Variants in PTPRO observed in about 807,000 individuals in gnomAD.
PTPRO encodes protein tyrosine phosphatase receptor type O, also known as receptor-type tyrosine-protein phosphatase O.
PTPRO carries 62 observed loss-of-function variants against 145.2 expected under a neutral mutation model. The observed-to-expected ratio is 0.43, with a 90% confidence interval of 0.35 to 0.53. PTPRO has a LOEUF of 0.53. Among genes scored for constraint, PTPRO ranks in the 20% least tolerant of loss-of-function variants. The pLI is 0.01. For missense variants in PTPRO, 1,345 were observed against 1,482.7 expected, an observed-to-expected ratio of 0.91 and a Z score of 1.53; for synonymous variants, 565 against 514.7, an observed-to-expected ratio of 1.10 and a Z score of -1.32.
In PTPRO at chr12:15,507,450, T is replaced by TAAATAACTAAC. The variant is rs141407524; in HGVS notation, c.1268-1119_1268-1118insATAACTAACAA. Among the ~76,000 whole-genome samples the TAAATAACTAAC allele has an allele frequency of 2.1e-4, 31 of 148,280 alleles. 1 individual carries two copies. Among genetic ancestry groups the TAAATAACTAAC allele is most frequent in the East Asian group, 1.2e-3 (6 of 5,040 alleles). On this transcript the variant is annotated intron_variant, in intron 6 of 26. Transcript: ENST00000281171. ...ATAAATAAATAAATAAATAAATAAA[T>TAAATAACTAAC]AAGGAATGAAATACGTAACACATAA...
At chr12:15,560,084 T>A (rs1460598177) in intron 16 of PTPRO, 109 bp from the exon 17 acceptor site, 2 of 801,338 alleles carry the variant, frequency 2.5e-6, no homozygotes, top group Admixed American at 3.7e-5. Flanking sequence ...AAGGTGCTTG[T>A]CATATTAATT....
intron 1 of PTPRO, among the ~76,000 whole-genome samples, chr12:15,376,469 T>G (rs1296544894): frequency 6.6e-6 from 1 of 152,142 alleles, no homozygotes; most frequent in Non-Finnish European, 1.5e-5. Context: ...ATTTTCAAAC[T>G]GAAATGAAAA....
rs987085486 is a variant in PTPRO, at chr12:15,546,534, A to T, written c.2165-35A>T. On this transcript the variant is annotated intron_variant, in intron 12 of 26. Coordinates refer to ENST00000281171, the MANE Select transcript of PTPRO (RefSeq NM_030667.3). ...GAAAGAAGAAAGAATACACTTAGTA[A>T]ATTAAATTTTTTTTAAAACTTTGTC... 4 of 1,552,732 alleles carry T rather than the reference A, an allele frequency of 2.6e-6. No homozygotes were observed. The South Asian group carries it at 3.5e-5, about 14-fold the overall frequency.
rs1006449598 is a variant in PTPRO at position 15,515,500 on chromosome 12, G to C, written c.1467G>C (p.Val489=). The part of the protein sequence containing the change: ...QRLEKQYCTQ[V]NSSKPIIENL... ...CTTATTGGGTGTTTGGTTTAAAGGT[G>C]AACTCAAGCAAACCTATTATTGAAA... The change falls in exon 8 of 27, where the codon GTG becomes GTC. Residue 489 remains valine, a splice_region_variant and synonymous_variant. Coordinates refer to ENST00000281171, the MANE Select transcript of PTPRO (RefSeq NM_030667.3). 1.9e-5 allele frequency: 30 copies of C among 1,613,862 alleles called. No homozygotes were observed. The highest frequency in any genetic ancestry group is 2.5e-5 in the Non-Finnish European group (30 of 1,179,868).
chr12:15,353,313 C>T (rs1937873038), intron 1 of PTPRO, among the ~76,000 whole-genome samples: 1 of 151,648 alleles, frequency 6.6e-6, no homozygotes, highest in Non-Finnish European at 1.5e-5. Context: ...TGTTTTTCAA[C>T]ATATCATCAA....
chr12:15,512,094 G>A (rs7313033), intron 7 of PTPRO, among the ~76,000 whole-genome samples: 1 of 151,386 alleles, frequency 6.6e-6, no homozygotes, highest in African/African-American at 2.4e-5. Context: ...TTTAAATGGA[G>A]CAATGTTTTT....
At chr12:15,490,272 C>A (rs1358619852) in intron 2 of PTPRO, among the ~76,000 whole-genome samples, 2 of 152,104 alleles carry the variant, frequency 1.3e-5, no homozygotes, top group Non-Finnish European at 2.9e-5. Context: ...GTTTTCAAAT[C>A]TACAATTCAT....
chr12:15,502,245 A>G (rs998603338), intron 5 of PTPRO, among the ~76,000 whole-genome samples, 182 bp downstream of exon 5: 28 of 152,284 alleles, frequency 1.8e-4, no homozygotes, highest in Non-Finnish European at 3.8e-4. Flanking sequence ...ACCCAAATGA[A>G]TAGACTGGAT....
intron 1 of PTPRO, among the ~76,000 whole-genome samples, chr12:15,405,090 C>T (rs995952375): frequency 2.0e-5 from 3 of 152,190 alleles, no homozygotes; most frequent in African/African-American, 4.8e-5. Context: ...AAAGCTCCAC[C>T]TCCAAATATC....
rs7952855 is a variant in PTPRO, at chr12:15,516,619, A to G, written c.1586-144A>G. On this transcript the variant is annotated intron_variant, in intron 8 of 26. Coordinates refer to ENST00000281171, the MANE Select transcript of PTPRO (RefSeq NM_030667.3). ...GGAGGAAGCAAGAAAGGGAGGAAGGAAGGAAGGAAGGAAGGAAGGGAGGGA... is the reference window on the plus strand; with the variant it reads ...GGAGGAAGCAAGAAAGGGAGGAAGGGAGGAAGGAAGGAAGGAAGGGAGGGA... 0.73 allele frequency: 479,084 copies of G among 655,606 alleles called. 176,770 individuals are homozygous for G. The highest frequency in any genetic ancestry group is 0.81 in the East Asian group (29,574 of 36,332). The allele number at this position is 655,606 out of a possible 1,614,324, so 40.6% of individuals were successfully genotyped here.
Position 15,437,250 on chromosome 12 carries a change from C to T in PTPRO, c.76-46724C>T, listed in dbSNP as rs528293992. 6.6e-5 allele frequency among the ~76,000 whole-genome samples: 10 copies of T among 151,924 alleles called. No individual in the cohort carries two copies. In the South Asian group the frequency reaches 2.1e-3, roughly 32 times the overall value. ...ACAGAGGGACCCTCTCTGCTACATG[C>T]CCAGGAAGATCTCCAGGCATTCAGA... On this transcript the variant is annotated intron_variant, in intron 1 of 26. Coordinates refer to ENST00000281171, the MANE Select transcript of PTPRO (RefSeq NM_030667.3).
chr12:15,440,158 G>T (rs1188269081), intron 1 of PTPRO: 1 of 671,556 alleles, frequency 1.5e-6, no homozygotes, highest in Non-Finnish European at 2.7e-6. Flanking sequence ...TGCCCAAGAA[G>T]CTGCTCATGA....
chr12:15,439,713 C>G, intron 1 of PTPRO: 1 of 499,384 alleles, frequency 2.0e-6, no homozygotes, highest in Non-Finnish European at 3.9e-6. Context: ...ATGCCCGTCA[C>G]CGAGCTGGAC....
chr12:15,552,844 G>A (rs953216729), intron 15 of PTPRO, among the ~76,000 whole-genome samples: 5 of 119,812 alleles, frequency 4.2e-5, no homozygotes, highest in African/African-American at 1.3e-4. Context: ...CTGTCGCCCA[G>A]GCTGGAGTGC....
At chr12:15,525,671 C>A (rs965473573) in intron 11 of PTPRO, among the ~76,000 whole-genome samples, 2 of 152,210 alleles carry the variant, frequency 1.3e-5, no homozygotes, top group African/African-American at 4.8e-5. Flanking sequence ...GTCCATGTGA[C>A]TTCTACTTAC....
rs1003719308 is a variant in PTPRO at position 15,547,761 on chromosome 12, A to G, written c.2304+1053A>G. On this transcript the variant is annotated intron_variant, in intron 13 of 26. Transcript: ENST00000281171. ...AATGGTTAGTTAGCTACTTACTACAACTGAGTCCTGTTAGCAAAAGTCTTT... is the reference window on the plus strand; with the variant it reads ...AATGGTTAGTTAGCTACTTACTACAGCTGAGTCCTGTTAGCAAAAGTCTTT... Among the ~76,000 whole-genome samples, 4 of 152,324 alleles carry G rather than the reference A, an allele frequency of 2.6e-5. No individual in the cohort carries two copies. The South Asian group carries it at 8.3e-4, about 32-fold the overall frequency.
At chr12:15,353,380 C>A (rs1301767793) in intron 1 of PTPRO, among the ~76,000 whole-genome samples, 1 of 151,746 alleles carries the variant, frequency 6.6e-6, no homozygotes, top group Non-Finnish European at 1.5e-5. Context: ...CCCTAAAGAA[C>A]TGAGGCTCCT....
At chr12:15,483,759 T>C (rs1941829155) in intron 1 of PTPRO, among the ~76,000 whole-genome samples, 1 of 152,128 alleles carries the variant, frequency 6.6e-6, no homozygotes, top group African/African-American at 2.4e-5. Context: ...AGTAAAACCC[T>C]GAGAAGATTA....
chr12:15,478,956 C>A (rs1384430457), intron 1 of PTPRO, among the ~76,000 whole-genome samples: 1 of 152,164 alleles, frequency 6.6e-6, no homozygotes, highest in East Asian at 1.9e-4. Context: ...CAGGCGTGAG[C>A]CACCAGGCCC....
Sources: gnomAD v4.1 joint callset for allele counts (sites outside exome capture counted in the v4.1 genomes callset) on GRCh38, gnomAD v4.1.1 for gene constraint, MANE v1.5 for transcripts, NCBI Gene and HGNC (gene_info 2026-07-23, HGNC 2026-07-21) for gene names.